SERPINI1: variants seen among roughly 807,000 people sequenced by gnomAD.
SERPINI1 encodes serpin family I member 1, also known as neuroserpin.
A neutral mutation model predicts 41.1 loss-of-function variants in SERPINI1; 19 were observed. That is an observed-to-expected ratio of 0.46 (90% CI 0.32 to 0.68). The LOEUF (loss-of-function observed/expected upper bound fraction) is 0.68, where lower values mean the gene tolerates loss of function less well. Among genes scored for constraint, SERPINI1 ranks in the 30% least tolerant of loss-of-function variants. The pLI, the probability that SERPINI1 is intolerant of heterozygous loss-of-function variation, is 0.03. For missense variants in SERPINI1, 460 were observed against 479.2 expected (o/e 0.96, Z 0.37); for synonymous variants, 138 against 156.6 (o/e 0.88, Z 0.89).
intron 1 of SERPINI1, among the ~76,000 whole-genome samples, chr3:167,740,726 G>C (rs760823459): frequency 3.7e-4 from 57 of 152,296 alleles, no homozygotes; most frequent in Non-Finnish European, 6.6e-4. Context: ...TTGTGTGCGT[G>C]TGTGTGTGCG....
At chr3:167,749,758 A>T (rs1193013910) in intron 1 of SERPINI1, among the ~76,000 whole-genome samples, 2 of 152,196 alleles carry the variant, frequency 1.3e-5, no homozygotes, top group Admixed American at 1.3e-4. Flanking sequence ...TACTGTTAAT[A>T]AACTGTTTAA....
chr3:167,818,016 T>C (rs1712175657), intron 6 of SERPINI1, among the ~76,000 whole-genome samples: 1 of 141,418 alleles, frequency 7.1e-6, no homozygotes, highest in East Asian at 1.9e-4. Flanking sequence ...GGAAATATTT[T>C]GGTTGTTTGT....
chr3:167,797,735 C>A (rs1183278139), intron 5 of SERPINI1, among the ~76,000 whole-genome samples: 1 of 80,210 alleles, frequency 1.2e-5, no homozygotes, highest in African/African-American at 4.3e-5. Context: ...GAATACCTAC[C>A]AAGCGTTTTT....
chr3:167,787,263 G>T (rs1241737893), intron 1 of SERPINI1, among the ~76,000 whole-genome samples: 1 of 152,104 alleles, frequency 6.6e-6, no homozygotes, highest in South Asian at 2.1e-4. Flanking sequence ...TCTGCCTGAG[G>T]CTGTATAACA....
rs796508595 is a variant in SERPINI1 at position 167,816,616 on chromosome 3, A to G, written c.980-6370A>G. On this transcript the variant is annotated intron_variant, in intron 6 of 8. Coordinates refer to ENST00000446050, the MANE Select transcript of SERPINI1 (RefSeq NM_001122752.2). The stretch of plus-strand genomic sequence containing the variant: ...GAAGACAAGGTTACTAAGAAAAATG[A>G]CACAATCCTTGCCTTAAGGAAGTAG... Among the ~76,000 whole-genome samples, 8 of 152,304 alleles carry G rather than the reference A, an allele frequency of 5.3e-5. No homozygotes were observed. The South Asian group carries it at 1.2e-3, about 24-fold the overall frequency.
chr3:167,754,259 T>G (rs1726130649), intron 1 of SERPINI1, among the ~76,000 whole-genome samples: 1 of 152,166 alleles, frequency 6.6e-6, no homozygotes, highest in South Asian at 2.1e-4. Context: ...AAGTGAAAAT[T>G]CACCAACCAA....
chr3:167,760,739 T>C (rs1726351030), intron 1 of SERPINI1, among the ~76,000 whole-genome samples: 2 of 152,190 alleles, frequency 1.3e-5, no homozygotes, highest in East Asian at 1.9e-4. Flanking sequence ...CTTTCCTTCA[T>C]TGGTTTCAAA....
At chr3:167,818,930 G>C (rs1032434816) in intron 6 of SERPINI1, among the ~76,000 whole-genome samples, 5 of 152,166 alleles carry the variant, frequency 3.3e-5, no homozygotes, top group African/African-American at 4.8e-5. Flanking sequence ...ACCCCTTTTA[G>C]AATTCTTCAG....
At chr3:167,823,642 G>T (rs1712415778) in intron 7 of SERPINI1, among the ~76,000 whole-genome samples, 1 of 151,924 alleles carries the variant, frequency 6.6e-6, no homozygotes, top group South Asian at 2.1e-4. Context: ...ATTTTTAAAT[G>T]TACAACAAAT....
chr3:167,759,050 C>T (rs1444585849), intron 1 of SERPINI1, among the ~76,000 whole-genome samples: 1 of 152,104 alleles, frequency 6.6e-6, no homozygotes, highest in African/African-American at 2.4e-5. Context: ...GTTTCAGTGA[C>T]TTGCCCAAGG....
chr3:167,774,901 G>T (rs1216513387), intron 1 of SERPINI1, among the ~76,000 whole-genome samples: 2 of 152,022 alleles, frequency 1.3e-5, no homozygotes, highest in Non-Finnish European at 2.9e-5. Context: ...CAGTTGTGAG[G>T]CTGACATTGT....
chr3:167,793,838 A>G (rs11927190), intron 4 of SERPINI1, among the ~76,000 whole-genome samples: 16,950 of 140,992 alleles, frequency 0.12, 1,288 homozygotes, highest in African/African-American at 0.2. Flanking sequence ...GGCCATATGT[A>G]TGTGTGTGTG....
intron 5 of SERPINI1, among the ~76,000 whole-genome samples, chr3:167,805,890 A>AT (rs2108566468): frequency 6.6e-6 from 1 of 152,204 alleles, no homozygotes; most frequent in South Asian, 2.1e-4. Flanking sequence ...GTTCTGTTCC[A>AT]TTGGTCTATA....
rs562724037 is a variant in SERPINI1, at chr3:167,813,469, T to G, written c.979+6128T>G. Among the ~76,000 whole-genome samples, 7 of 152,312 alleles carry G rather than the reference T, an allele frequency of 4.6e-5. No homozygotes were observed. In the South Asian group the frequency reaches 1.5e-3, roughly 32 times the overall value. On this transcript the variant is annotated intron_variant, in intron 6 of 8. Coordinates refer to ENST00000446050, the MANE Select transcript of SERPINI1 (RefSeq NM_001122752.2). ...ACCTTCAAGAGATCCCCACTGGGGATGTAAAGTTTCTCTCACTTTACAAAT... is the reference window on the plus strand; with the variant it reads ...ACCTTCAAGAGATCCCCACTGGGGAGGTAAAGTTTCTCTCACTTTACAAAT...
intron 3 of SERPINI1, among the ~76,000 whole-genome samples, chr3:167,792,178 T>A (rs556215952): frequency 6.6e-6 from 1 of 152,108 alleles, no homozygotes; most frequent in African/African-American, 2.4e-5. Context: ...TATTGAGTGT[T>A]TACTCTGTGT....
Position 167,742,906 on chromosome 3 carries a change from T to C in SERPINI1, c.-19+7083T>C, listed in dbSNP as rs148340037. Among the ~76,000 whole-genome samples, 537 of 151,604 alleles carry C rather than the reference T, an allele frequency of 3.5e-3. 2 individuals are homozygous for C. The highest frequency in any genetic ancestry group is 0.013 in the African/African-American group (521 of 41,398). ...TTCCCATACCAAGTGTTCACTTCAG[T>C]GATTTCCAAATTTTAAGTCCCTGAG... On this transcript the variant is annotated intron_variant, in intron 1 of 8. Coordinates refer to ENST00000446050, the MANE Select transcript of SERPINI1 (RefSeq NM_001122752.2).
chr3:167,773,601 T>C (rs549991972), intron 1 of SERPINI1, among the ~76,000 whole-genome samples: 6 of 152,308 alleles, frequency 3.9e-5, no homozygotes, highest in African/African-American at 1.4e-4. Context: ...TTGCCCACAC[T>C]GCAATAAAAA....
intron 1 of SERPINI1, among the ~76,000 whole-genome samples, chr3:167,774,057 A>T (rs13066280): frequency 1.3e-5 from 2 of 152,076 alleles, no homozygotes; most frequent in African/African-American, 4.8e-5. Flanking sequence ...AAAAAAAAGA[A>T]TTCTTAGAGG....
intron 5 of SERPINI1, among the ~76,000 whole-genome samples, chr3:167,795,302 G>A (rs192726611): frequency 2.8e-4 from 43 of 152,238 alleles, no homozygotes; most frequent in African/African-American, 9.9e-4. Context: ...CCATAAATTA[G>A]CAGGAAGATG....
Sources: allele counts gnomAD v4.1 joint callset (sites outside exome capture counted in the v4.1 genomes callset), GRCh38; gene constraint gnomAD v4.1.1; transcripts MANE v1.5; gene names NCBI Gene and HGNC (gene_info 2026-07-23, HGNC 2026-07-21).